AP1G1: variants seen among roughly 807,000 people sequenced by gnomAD.
The protein encoded by AP1G1 is AP-1 complex subunit gamma-1.
Under a neutral mutation model 108.3 loss-of-function variants are expected in AP1G1, and 7 were observed. The ratio of observed to expected loss-of-function variants is 0.06; its 90% CI spans 0.04 to 0.12. AP1G1 has a LOEUF of 0.12. AP1G1 is among the 10% of genes least tolerant of loss of function. The pLI is 1.00. For synonymous variants in AP1G1, 379 were observed against 353.5 expected (o/e 1.07, Z -0.81); for missense variants, 756 against 1,010.7 (o/e 0.75, Z 3.42).
Position 71,758,738 on chromosome 16 carries a change from T to C in AP1G1, c.1088+70A>G, listed in dbSNP as rs947399716. 9.0e-5 allele frequency: 78 copies of C among 871,320 alleles called. No individual in the cohort carries two copies. In the East Asian group the frequency reaches 9.6e-4, roughly 11 times the overall value. The allele number at this position is 871,320 out of a possible 1,614,324, so 54.0% of individuals were successfully genotyped here. A position where few individuals can be genotyped will look rare whatever the true frequency, so the allele number is the denominator to read the frequency against. Reference sequence around the variant, plus strand: ...AACAAAGTATCACATGGCAGCGGCATAGAGCTATCAATAATCTGTCACTCA... The same window carrying C: ...AACAAAGTATCACATGGCAGCGGCACAGAGCTATCAATAATCTGTCACTCA... On this transcript the variant is annotated intron_variant, in intron 11 of 22. Transcript: ENST00000299980.
intron 7 of AP1G1, among the ~76,000 whole-genome samples, 193 bp from the exon 8 acceptor site, chr16:71,764,919 T>C (rs2031250909): frequency 6.6e-6 from 1 of 152,242 alleles, no homozygotes; most frequent in Non-Finnish European, 1.5e-5. Flanking sequence ...TATATGCTTC[T>C]ACATCTAATA....
At chr16:71,790,772 T>A (rs1421414260) in intron 1 of AP1G1, among the ~76,000 whole-genome samples, 1 of 152,088 alleles carries the variant, frequency 6.6e-6, no homozygotes, top group Non-Finnish European at 1.5e-5. Flanking sequence ...AAGCTAAAAC[T>A]AAAAATCTTC....
intron 13 of AP1G1, 138 bp downstream of exon 13, chr16:71,753,695 A>C (rs2030624870): frequency 2.6e-6 from 2 of 780,506 alleles, no homozygotes; most frequent in African/African-American, 1.7e-5. Context: ...GTTTTTCTTC[A>C]TGGCATTTAT....
intron 1 of AP1G1, among the ~76,000 whole-genome samples, chr16:71,792,390 T>G: frequency 6.6e-6 from 1 of 152,126 alleles, no homozygotes; most frequent in East Asian, 1.9e-4. Flanking sequence ...TCTTCAGGAA[T>G]TTTTACTTAT....
intron 16 of AP1G1, chr16:71,747,378 A>C (rs1323634680): frequency 6.6e-6 from 1 of 152,268 alleles, no homozygotes; most frequent in Non-Finnish European, 1.5e-5. Flanking sequence ...CAGGAGTTCG[A>C]GACCAGTCTG....
chr16:71,756,028 G>C lies in AP1G1; in HGVS notation c.1220C>G (p.Ala407Gly), dbSNP rs1428319590. Residue 407 changes from alanine to glycine, a missense_variant, in exon 12 of 23, where the codon GCT becomes GGT. By Grantham distance (60) the Ala-to-Gly change is moderately conservative. Around this residue, in one of 3 missense-constraint regions of AP1G1, gnomAD observed 357 missense variants for 366.5 expected, o/e 0.97. Coordinates refer to ENST00000299980, the MANE Select transcript of AP1G1 (RefSeq NM_001128.6). ...KADCASGIFL[A>G]AEKYAPSKRW... ...AAAAATTAAATCTTACTTTTCTGCA[G>C]CAAGAAAGATTCCAGATGCACAGTC... The C allele has an allele frequency of 6.2e-7, 1 of 1,608,024 alleles. No homozygotes were observed. Among genetic ancestry groups the C allele is most frequent in the Non-Finnish European group, 8.5e-7 (1 of 1,178,134 alleles).
intron 21 of AP1G1, among the ~76,000 whole-genome samples, chr16:71,735,168 T>G (rs901027802): frequency 6.6e-6 from 1 of 152,196 alleles, no homozygotes; most frequent in Non-Finnish European, 1.5e-5. Context: ...TTTGTGTGAT[T>G]GGATAACTGG....
At chr16:71,760,637 T>G (rs368992374) in intron 10 of AP1G1, among the ~76,000 whole-genome samples, 17 of 151,774 alleles carry the variant, frequency 1.1e-4, no homozygotes, top group Admixed American at 9.2e-4. Flanking sequence ...TTTAACCTCC[T>G]GGGTTCAGGT....
chr16:71,744,263 T>C (rs1013755822), intron 19 of AP1G1, among the ~76,000 whole-genome samples: 1 of 152,118 alleles, frequency 6.6e-6, no homozygotes, highest in Non-Finnish European at 1.5e-5. Flanking sequence ...ATAAAAGTTG[T>C]ATTGGACTCG....
intron 1 of AP1G1, among the ~76,000 whole-genome samples, chr16:71,805,022 C>G (rs1256597463): frequency 6.7e-6 from 1 of 150,096 alleles, no homozygotes; most frequent in Non-Finnish European, 1.5e-5. Flanking sequence ...ATCAATCAAT[C>G]AATAAAAATA....
In AP1G1 at chr16:71,808,164, A is replaced by C. The variant is rs554480710; in HGVS notation, c.-4+599T>G. The C allele has an allele frequency of 2.0e-3, 2,287 of 1,142,912 alleles. 1 individual carries two copies. Among genetic ancestry groups the C allele is most frequent in the Non-Finnish European group, 2.4e-3 (2,195 of 919,818 alleles). 70.8% of individuals were successfully genotyped at this position (1,142,912 alleles called of 1,614,324 possible). A position where few individuals can be genotyped will look rare whatever the true frequency, so the allele number is the denominator to read the frequency against. Reference sequence around the variant, plus strand: ...CAGGGCCAGGAGCTGAGAAAAGGGTAAACAGTATACTCGCAGGTAGGTTGA... The same window carrying C: ...CAGGGCCAGGAGCTGAGAAAAGGGTCAACAGTATACTCGCAGGTAGGTTGA... On this transcript the variant is annotated intron_variant, in intron 1 of 22. Transcript: ENST00000299980.
intron 2 of AP1G1, among the ~76,000 whole-genome samples, chr16:71,780,654 C>T (rs2031979943): frequency 6.6e-6 from 1 of 151,786 alleles, no homozygotes; most frequent in Non-Finnish European, 1.5e-5. Context: ...TGTTTAGAGA[C>T]AGGTCTTGCT....
intron 4 of AP1G1, among the ~76,000 whole-genome samples, chr16:71,772,108 A>G (rs537862248): frequency 6.7e-6 from 1 of 149,556 alleles, no homozygotes; most frequent in East Asian, 2.0e-4. Context: ...TATATTTGGG[A>G]GGAAAAAATA....
At chr16:71,794,121 A>G (rs1025625788) in intron 1 of AP1G1, among the ~76,000 whole-genome samples, 1 of 152,218 alleles carries the variant, frequency 6.6e-6, no homozygotes, top group Non-Finnish European at 1.5e-5. Flanking sequence ...ATACAAAATT[A>G]TATCTGTATT....
At chr16:71,755,676 T>C (rs905275710) in intron 12 of AP1G1, among the ~76,000 whole-genome samples, 1 of 152,042 alleles carries the variant, frequency 6.6e-6, no homozygotes, top group Non-Finnish European at 1.5e-5. Context: ...GATGGAGTCT[T>C]GCTCTGTCAC....
chr16:71,782,774 C>G (rs1403833052), intron 2 of AP1G1, among the ~76,000 whole-genome samples: 1 of 152,144 alleles, frequency 6.6e-6, no homozygotes, highest in Non-Finnish European at 1.5e-5. Flanking sequence ...GTGTGAGCCA[C>G]CATGCCCAGC....
intron 19 of AP1G1, 69 bp from the exon 20 acceptor site, chr16:71,739,410 G>T: frequency 7.9e-7 from 1 of 1,260,762 alleles, no homozygotes; most frequent in East Asian, 2.5e-5. Context: ...AAATTATAGG[G>T]AAAATTATTT....
chr16:71,789,441 G>A lies in AP1G1; in HGVS notation c.39C>T (p.Thr13=). 1 of 1,614,120 alleles carries A rather than the reference G, an allele frequency of 6.2e-7. No individual in the cohort carries two copies. The highest frequency in any genetic ancestry group is 1.1e-5 in the South Asian group (1 of 91,086). Residue 13 remains threonine (T), a synonymous_variant, in exon 2 of 23, where the codon ACC becomes ACT. Coordinates refer to ENST00000299980, the MANE Select transcript of AP1G1 (RefSeq NM_001128.6). Reference sequence around the variant, plus strand: ...CAGCTTGGGTTCGGGCTGTCCGGATGGTCCGGATCAGCTCCCGCAATCTGA... The same window carrying A: ...CAGCTTGGGTTCGGGCTGTCCGGATAGTCCGGATCAGCTCCCGCAATCTGA... The part of the protein sequence containing the change: ...APIRLRELIR[T]IRTARTQAEE...
At chr16:71,752,442 TAA>T (rs2030556404) in intron 13 of AP1G1, among the ~76,000 whole-genome samples, 2 of 152,146 alleles carry the variant, frequency 1.3e-5, no homozygotes, top group South Asian at 2.1e-4. Flanking sequence ...CATATACATA[TAA>T]GTCATAATTT....
Sources: allele counts gnomAD v4.1 joint callset (sites outside exome capture counted in the v4.1 genomes callset), GRCh38; gene constraint gnomAD v4.1.1; regional missense constraint gnomAD v4.1.1; transcripts MANE v1.5; gene names NCBI Gene and HGNC (gene_info 2026-07-23, HGNC 2026-07-21).